COLEC12: variants seen among roughly 807,000 people sequenced by gnomAD.
COLEC12 encodes the protein collectin-12.
COLEC12 carries 33 observed loss-of-function variants against 71.1 expected under a neutral mutation model. The observed-to-expected ratio is 0.46, with a 90% CI of 0.35 to 0.62. The LOEUF is 0.62. Among genes scored for constraint, COLEC12 ranks in the 20% least tolerant of loss-of-function variants. The pLI, the probability that COLEC12 is intolerant of heterozygous loss-of-function variation, is 0.00. For synonymous variants in COLEC12, 350 were observed against 353.0 expected (o/e 0.99, Z 0.10); for missense variants, 765 against 916.1 (o/e 0.84, Z 2.13).
In COLEC12 at chr18:457,420, T is replaced by C. The variant is rs766172026; in HGVS notation, c.58+23287A>G. Among the ~76,000 whole-genome samples, 12 of 152,204 alleles carry C rather than the reference T, an allele frequency of 7.9e-5. 1 individual carries two copies. The highest frequency in any genetic ancestry group is 2.1e-4 in the South Asian group (1 of 4,832). On this transcript the variant is annotated intron_variant, in intron 2 of 9. Coordinates refer to ENST00000400256, the MANE Select transcript of COLEC12 (RefSeq NM_130386.3). ...GCTCTGCTGATTTCTAGGCTGCAGA[T>C]GTTTTTAACCCTGCCTTGAAGAATG...
At chr18:492,194 T>C (rs1351376) in intron 1 of COLEC12, among the ~76,000 whole-genome samples, 82,157 of 151,712 alleles carry the variant, frequency 0.54, 22,408 homozygotes, top group Middle Eastern at 0.68. Context: ...TTTGATTCAA[T>C]TGCACAGTTT....
intron 2 of COLEC12, among the ~76,000 whole-genome samples, chr18:405,520 CTCTT>C (rs1206157549): frequency 1.3e-5 from 2 of 152,152 alleles, no homozygotes; most frequent in Non-Finnish European, 2.9e-5. Context: ...TGTACTGTCT[CTCTT>C]TATTTCTCAG....
At chr18:351,729 G>A (rs577835125) in intron 3 of COLEC12, among the ~76,000 whole-genome samples, 8 of 152,192 alleles carry the variant, frequency 5.3e-5, no homozygotes, top group East Asian at 3.9e-4. Flanking sequence ...TACCACGCCC[G>A]GCTAATTTTT....
rs904760455 is a variant in COLEC12, at chr18:386,565, T to C, written c.59-29043A>G. Among the ~76,000 whole-genome samples, 3 of 152,192 alleles carry C rather than the reference T, an allele frequency of 2.0e-5. No homozygotes were observed. The South Asian group carries it at 6.2e-4, about 32-fold the overall frequency. Reference sequence around the variant, plus strand: ...TGGAGACCTCAGAGTCTCTAACCTCTCACCCTTCAGATACAAACCCAAGGC... The same window carrying C: ...TGGAGACCTCAGAGTCTCTAACCTCCCACCCTTCAGATACAAACCCAAGGC... On this transcript the variant is annotated intron_variant, in intron 2 of 9. Transcript: ENST00000400256.
In COLEC12 at chr18:347,117, T is replaced by G. The variant is rs1323622691; in HGVS notation, c.505A>C (p.Lys169Gln). 5.6e-6 allele frequency: 9 copies of G among 1,614,120 alleles called. No homozygotes were observed. Among genetic ancestry groups the G allele is most frequent in the Non-Finnish European group, 7.6e-6 (9 of 1,180,058 alleles). ...TAGCCATTATACGCCTGGAGGGTTT[T>G]GTTTACAGTGGTGATGAGGAAAGAG... is the stretch of plus-strand genomic sequence containing the variant. ...NNSFLITTVN[K>Q]TLQAYNGYVT... The change falls in exon 5 of 10, where the codon AAA becomes CAA. Residue 169 changes from lysine to glutamine, a missense_variant. By Grantham distance (53) the Lys-to-Gln change is moderately conservative (BLOSUM62 1). Coordinates refer to ENST00000400256, the MANE Select transcript of COLEC12 (RefSeq NM_130386.3).
rs1302100842 is a variant in COLEC12 at position 340,796 on chromosome 18, C to T, written c.1327+5499G>A. ...AATCAAATATTTATTAAATGCCTAC[C>T]ATAGGAAAAAGTCATTGCGCTTCAC... On this transcript the variant is annotated intron_variant, in intron 5 of 9. Coordinates refer to ENST00000400256, the MANE Select transcript of COLEC12 (RefSeq NM_130386.3). Among the ~76,000 whole-genome samples the T allele has an allele frequency of 2.0e-5, 3 of 152,146 alleles. No individual in the cohort carries two copies. The East Asian group carries it at 5.8e-4, about 29-fold the overall frequency.
intron 2 of COLEC12, among the ~76,000 whole-genome samples, chr18:375,681 A>G (rs1915098567): frequency 2.0e-5 from 3 of 152,116 alleles, no homozygotes. Flanking sequence ...TTTTCTTCAT[A>G]GCACTTATCA....
chr18:383,591 C>T (rs541962470), intron 2 of COLEC12, among the ~76,000 whole-genome samples: 30 of 152,122 alleles, frequency 2.0e-4, no homozygotes, highest in Non-Finnish European at 4.0e-4. Context: ...AAGAAACAAC[C>T]ATGAGTTTTA....
In COLEC12 at chr18:390,907, C is replaced by G. The variant is rs369369573; in HGVS notation, c.59-33385G>C. On this transcript the variant is annotated intron_variant, in intron 2 of 9. Transcript: ENST00000400256. ...CAGCAAGCACACGGGCACAGGGACA[C>G]TCCTTGCCTGTGGGACAGACATCGT... Among the ~76,000 whole-genome samples the G allele has an allele frequency of 3.3e-5, 5 of 152,202 alleles. No individual in the cohort carries two copies. The East Asian group carries it at 7.7e-4, about 23-fold the overall frequency.
At chr18:417,373 C>T (rs1337324644) in intron 2 of COLEC12, among the ~76,000 whole-genome samples, 3 of 152,210 alleles carry the variant, frequency 2.0e-5, no homozygotes, top group East Asian at 1.9e-4. Context: ...CATAATCTTA[C>T]AGGACCACAT....
intron 2 of COLEC12, among the ~76,000 whole-genome samples, chr18:387,601 A>C (rs1915372848): frequency 6.6e-6 from 1 of 152,112 alleles, no homozygotes; most frequent in Admixed American, 6.6e-5. Context: ...ATGATTTCTC[A>C]CTTAATACTT....
chr18:366,550 C>A (rs1343147283), intron 2 of COLEC12, among the ~76,000 whole-genome samples: 1 of 152,200 alleles, frequency 6.6e-6, no homozygotes, highest in Non-Finnish European at 1.5e-5. Flanking sequence ...ATCTTCATAG[C>A]TACCTCCTTG....
At chr18:495,805 T>C (rs1240594152) in intron 1 of COLEC12, among the ~76,000 whole-genome samples, 1 of 152,178 alleles carries the variant, frequency 6.6e-6, no homozygotes, top group Non-Finnish European at 1.5e-5. Flanking sequence ...ATTACACATG[T>C]GATTCTGGAA....
At chr18:468,002 AC>A (rs1183149721) in intron 2 of COLEC12, among the ~76,000 whole-genome samples, 1 of 152,184 alleles carries the variant, frequency 6.6e-6, no homozygotes, top group Non-Finnish European at 1.5e-5. Context: ...AGTGCCTCAC[AC>A]CTGTAATTCC....
At chr18:468,261 C>CAAA (rs5822568) in intron 2 of COLEC12, among the ~76,000 whole-genome samples, 20 of 125,624 alleles carry the variant, frequency 1.6e-4, no homozygotes, top group South Asian at 2.5e-4. Flanking sequence ...GACTCCGTCT[C>CAAA]AAAAAAAAAA....
intron 2 of COLEC12, among the ~76,000 whole-genome samples, chr18:385,303 G>T (rs1218196467): frequency 2.0e-5 from 3 of 147,152 alleles, no homozygotes; most frequent in Non-Finnish European, 4.4e-5. Flanking sequence ...CTAAACAAGT[G>T]GTTTAAAATG....
intron 1 of COLEC12, among the ~76,000 whole-genome samples, chr18:492,648 T>C (rs182753046): frequency 1.3e-5 from 2 of 151,774 alleles, no homozygotes; most frequent in African/African-American, 4.8e-5. Flanking sequence ...CTCAAATACA[T>C]GGGTGATTTG....
chr18:333,228 C>G, intron 6 of COLEC12, 85 bp from the exon 7 acceptor site: 1 of 1,199,606 alleles, frequency 8.3e-7, no homozygotes, highest in Non-Finnish European at 1.2e-6. Flanking sequence ...GAGGCCAAAA[C>G]TGTGGTCCCG....
intron 2 of COLEC12, among the ~76,000 whole-genome samples, chr18:392,405 A>G (rs1241926647): frequency 6.6e-6 from 1 of 152,204 alleles, no homozygotes; most frequent in African/African-American, 2.4e-5. Context: ...CCCATCTATA[A>G]TGTGATAATC....
Sources: allele counts gnomAD v4.1 joint callset (sites outside exome capture counted in the v4.1 genomes callset), GRCh38; gene constraint gnomAD v4.1.1; transcripts MANE v1.5; gene names NCBI Gene and HGNC (gene_info 2026-07-23, HGNC 2026-07-21).